Variants in CYP51A1 observed in about 807,000 individuals in gnomAD.
CYP51A1 encodes the protein cytochrome P450 family 51 subfamily A member 1, also known as lanosterol 14-alpha demethylase.
In CYP51A1, 45 loss-of-function variants were observed where a neutral mutation model predicts 53.5. That is an observed-to-expected ratio of 0.84 (90% CI 0.66 to 1.08). The LOEUF (loss-of-function observed/expected upper bound fraction) is 1.08. CYP51A1 is among the 50% of genes least tolerant of loss of function. The probability of loss-of-function intolerance (pLI) is 0.00; values close to 1 mark genes in which losing one functional copy is unlikely to be tolerated. For missense variants in CYP51A1, 462 were observed against 621.7 expected, an observed-to-expected ratio of 0.74 and a Z score of 2.73; for synonymous variants, 181 against 217.7, an observed-to-expected ratio of 0.83 and a Z score of 1.48.
chr7:92,130,776 A>C (rs964373741), intron 2 of CYP51A1, among the ~76,000 whole-genome samples: 5 of 152,214 alleles, frequency 3.3e-5, no homozygotes, highest in African/African-American at 1.2e-4. Context: ...CAGGAGAAAA[A>C]ATCATCTGCT....
At chr7:92,134,058 G>T in intron 1 of CYP51A1, 115 bp downstream of exon 1, 1 of 972,142 alleles carries the variant, frequency 1.0e-6, no homozygotes, top group Non-Finnish European at 1.5e-6. Context: ...GGCCGCAGTC[G>T]CCCCCGCCCT....
At chr7:92,125,211 G>C (rs1819775957) in intron 5 of CYP51A1, among the ~76,000 whole-genome samples, 1 of 151,620 alleles carries the variant, frequency 6.6e-6, no homozygotes, top group African/African-American at 2.4e-5. Flanking sequence ...GGGCTGTGCT[G>C]GGTGTTCTAA....
Position 92,134,382 on chromosome 7 carries a change from C to T in CYP51A1, c.-18G>A, listed in dbSNP as rs1324423908. On this transcript the variant is annotated 5_prime_UTR_variant, in exon 1 of 10. It adds an upstream start codon to the 5' untranslated region. Coordinates refer to ENST00000003100, the MANE Select transcript of CYP51A1 (RefSeq NM_000786.4). ...GCCGCCATTCACTCCGTCGGAAACA[C>T]TGAAGGCCGAGGTCGCCACCGCTCC... 6.4e-7 allele frequency: 1 copy of T among 1,555,322 alleles called. No individual in the cohort carries two copies. The highest frequency in any genetic ancestry group is 1.2e-5 in the South Asian group (1 of 84,520).
chr7:92,115,961 C>G (rs1485104048), intron 9 of CYP51A1, among the ~76,000 whole-genome samples: 1 of 152,230 alleles, frequency 6.6e-6, no homozygotes, highest in Non-Finnish European at 1.5e-5. Flanking sequence ...AACTAATGCT[C>G]TTCCCATCTG....
At chr7:92,132,011 G>T in intron 1 of CYP51A1, 139 bp from the exon 2 acceptor site, 1 of 586,706 alleles carries the variant, frequency 1.7e-6, no homozygotes, top group Non-Finnish European at 3.2e-6. Context: ...GGAAGCATCA[G>T]AAGTAACTTG....
Position 92,123,720 on chromosome 7 carries a change from T to G in CYP51A1, c.890+14A>C. On this transcript the variant is annotated intron_variant, in intron 6 of 9. Transcript: ENST00000003100. ...TCCTGCTTCAGCTTAATATGTTATC[T>G]GAATAGCTCTTACTTGTATGTAGCA... 1 of 1,587,102 alleles carries G rather than the reference T, an allele frequency of 6.3e-7. No individual in the cohort carries two copies. The highest frequency in any genetic ancestry group is 8.5e-7 in the Non-Finnish European group (1 of 1,171,832).
chr7:92,127,743 C>T (rs1819829931), intron 3 of CYP51A1, 112 bp from the exon 4 acceptor site: 2 of 1,074,500 alleles, frequency 1.9e-6, no homozygotes, highest in African/African-American at 3.2e-5. Context: ...ATGGTTTTAA[C>T]CCTTTGGGCA....
chr7:92,123,963 T>C (rs1319210251), intron 5 of CYP51A1, 110 bp from the exon 6 acceptor site: 3 of 795,090 alleles, frequency 3.8e-6, no homozygotes, highest in Non-Finnish European at 5.7e-6. Context: ...TAACCAACTT[T>C]AATGACTCTA....
In CYP51A1 at chr7:92,128,587, G is replaced by A. The variant is rs541014895; in HGVS notation, c.468+293C>T. ...CAACCTCCGCCTCCTGGGTTCAAGCGATTCTCATGCCTCAGCCTCCCAAGT... is the reference window on the plus strand; with the variant it reads ...CAACCTCCGCCTCCTGGGTTCAAGCAATTCTCATGCCTCAGCCTCCCAAGT... On this transcript the variant is annotated intron_variant, in intron 3 of 9. Coordinates refer to ENST00000003100, the MANE Select transcript of CYP51A1 (RefSeq NM_000786.4). 3.9e-5 allele frequency among the ~76,000 whole-genome samples: 6 copies of A among 152,000 alleles called. No individual in the cohort carries two copies. The South Asian group carries it at 8.3e-4, about 21-fold the overall frequency.
In CYP51A1 at chr7:92,134,215, G is replaced by A; in HGVS notation, c.150C>T (p.Ile50=). ...CAFTLSLVYL[I]RLAAGHLVQL... is the part of the protein sequence containing the mutation. ...GGACCAGGTGGCCGGCGGCCAGACG[G>A]ATCAGGTAGACCAGGCTGAGGGTGA... Residue 50 remains isoleucine (I), a synonymous_variant, in exon 1 of 10, where the codon ATC becomes ATT. Coordinates refer to ENST00000003100, the MANE Select transcript of CYP51A1 (RefSeq NM_000786.4). The A allele has an allele frequency of 1.2e-6, 2 of 1,613,144 alleles. No homozygotes were observed. The highest frequency in any genetic ancestry group is 1.7e-6 in the Non-Finnish European group (2 of 1,179,754).
At position 92,112,539 on chromosome 7, in the gene CYP51A1, A is replaced by C. The variant is rs1819414938; in HGVS notation, c.*1126T>G. Reference sequence around the variant, plus strand: ...ATCCCTAATTGGATTCTAGAGAGGAAGCAGGGAAGGCCAGGTGCGGTGGCT... The same window carrying C: ...ATCCCTAATTGGATTCTAGAGAGGACGCAGGGAAGGCCAGGTGCGGTGGCT... On this transcript the variant is annotated 3_prime_UTR_variant, in exon 10 of 10. Transcript: ENST00000003100. 2 of 152,216 alleles carry C rather than the reference A, an allele frequency of 1.3e-5. No individual in the cohort carries two copies. The highest frequency in any genetic ancestry group is 2.1e-4 in the South Asian group (1 of 4,828). The allele number at this position is 152,216 out of a possible 1,614,324, so 9.4% of individuals were successfully genotyped here.
In CYP51A1 at chr7:92,126,443, A is replaced by G. The variant is rs1318640460; in HGVS notation, c.596-16T>C. 3.2e-6 allele frequency: 5 copies of G among 1,572,972 alleles called. No individual in the cohort carries two copies. The highest frequency in any genetic ancestry group is 1.2e-5 in the South Asian group (1 of 84,330). On this transcript the variant is annotated splice_polypyrimidine_tract_variant and intron_variant, in intron 4 of 9. Coordinates refer to ENST00000003100, the MANE Select transcript of CYP51A1 (RefSeq NM_000786.4). The stretch of plus-strand genomic sequence containing the variant: ...TCAAACACATCTAGGGAGAAAAAAA[A>G]GATTATTCTCATTACTATTTCCAAA...
In CYP51A1 at chr7:92,112,398, T is replaced by TTTA. The variant is rs1302349700; in HGVS notation, c.*1264_*1266dup. On this transcript the variant is annotated 3_prime_UTR_variant, in exon 10 of 10. Coordinates refer to ENST00000003100, the MANE Select transcript of CYP51A1 (RefSeq NM_000786.4). ...ATGTGCTTTACAGAATGTGACCAAT[T>TTTA]TTATTACTCCCAAGGACCTTGTTTC... is the stretch of plus-strand genomic sequence containing the variant. 1.3e-5 allele frequency: 2 copies of TTTA among 152,202 alleles called. No individual in the cohort carries two copies. Among genetic ancestry groups the TTTA allele is most frequent in the African/African-American group, 4.8e-5 (2 of 41,458 alleles). 9.4% of individuals were successfully genotyped at this position (152,202 alleles called of 1,614,324 possible).
chr7:92,123,091 C>T, intron 7 of CYP51A1, 29 bp downstream of exon 7: 1 of 1,557,036 alleles, frequency 6.4e-7, no homozygotes, highest in Non-Finnish European at 8.8e-7. Flanking sequence ...AGTCATAAGG[C>T]AGCAATGAAA....
intron 9 of CYP51A1, among the ~76,000 whole-genome samples, chr7:92,114,899 G>A (rs1326352070): frequency 1.3e-5 from 2 of 152,234 alleles, no homozygotes; most frequent in Non-Finnish European, 2.9e-5. Context: ...TAAACTGATA[G>A]TGCTTAGCAC....
chr7:92,133,734 G>A (rs1819972865), intron 1 of CYP51A1, among the ~76,000 whole-genome samples: 1 of 152,078 alleles, frequency 6.6e-6, no homozygotes, highest in South Asian at 2.1e-4. Context: ...AGGATGACGG[G>A]CCAGCTGCCA....
chr7:92,126,435 GA>G lies in CYP51A1; in HGVS notation c.596-9del, dbSNP rs762977698. The G allele has an allele frequency of 5.7e-6, 9 of 1,571,010 alleles. No individual in the cohort carries two copies. Among genetic ancestry groups the G allele is most frequent in the Admixed American group, 4.2e-5 (2 of 48,122 alleles). On this transcript the variant is annotated splice_polypyrimidine_tract_variant and intron_variant, in intron 4 of 9. Coordinates refer to ENST00000003100, the MANE Select transcript of CYP51A1 (RefSeq NM_000786.4). ...AAAGAGCTTCAAACACATCTAGGGA[GA>G]AAAAAAAGATTATTCTCATTACTAT...
intron 2 of CYP51A1, among the ~76,000 whole-genome samples, chr7:92,131,285 C>T (rs1267921248): frequency 2.6e-5 from 4 of 152,052 alleles, no homozygotes; most frequent in Non-Finnish European, 5.9e-5. Context: ...AAGTCCAAAG[C>T]GAGACTGTGA....
rs1046740950 is a variant in CYP51A1 at position 92,113,774 on chromosome 7, C to G, written c.1421G>C (p.Arg474Pro). Residue 474 changes from arginine (R) to proline (P), a missense_variant, in exon 10 of 10, where the codon CGT becomes CCT. Arg to Pro is a moderately radical substitution (Grantham distance 103). Coordinates refer to ENST00000003100, the MANE Select transcript of CYP51A1 (RefSeq NM_000786.4). ...ATCAATGAGATCAAATTCATATAAACGAAGCATAGTGGACCAAATTGTCTT... is the reference window on the plus strand; with the variant it reads ...ATCAATGAGATCAAATTCATATAAAGGAAGCATAGTGGACCAAATTGTCTT... Reference protein sequence around the residue: ...QIKTIWSTMLRLYEFDLIDGY... With the variant: ...QIKTIWSTMLPLYEFDLIDGY... 5.6e-6 allele frequency: 9 copies of G among 1,612,802 alleles called. No individual in the cohort carries two copies. Among genetic ancestry groups the G allele is most frequent in the Non-Finnish European group, 7.6e-6 (9 of 1,179,392 alleles).
Sources: gnomAD v4.1 joint callset for allele counts (sites outside exome capture counted in the v4.1 genomes callset) on GRCh38, gnomAD v4.1.1 for gene constraint, MANE v1.5 for transcripts, NCBI Gene and HGNC (gene_info 2026-07-23, HGNC 2026-07-21) for gene names.